The following SP6 variants were observed in gnomAD, a reference collection of about 807,000 sequenced individuals.
The protein encoded by SP6 is transcription factor Sp6.
In SP6, 10 loss-of-function variants were observed where a neutral mutation model predicts 23.4. The observed-to-expected ratio is 0.43, with a 90% CI of 0.26 to 0.72. The LOEUF (loss-of-function observed/expected upper bound fraction) is 0.72, where lower values mean the gene tolerates loss of function less well. Among genes scored for constraint, SP6 ranks in the 30% least tolerant of loss-of-function variants. The pLI, the probability that SP6 is intolerant of heterozygous loss-of-function variation, is 0.23. For missense variants in SP6, 482 were observed against 523.8 expected (o/e 0.92, Z 0.78); for synonymous variants, 238 against 238.7 (o/e 1.00, Z 0.03).
upstream of SP6, among the ~76,000 whole-genome samples, chr17:47,858,767 CTT>C (rs36092685): frequency 0.11 from 10,316 of 90,234 alleles, 562 homozygotes; most frequent in African/African-American, 0.15. Context: ...GATGAAGCAT[CTT>C]TTTTTTTTTT....
At chr17:47,853,528 AG>A (rs1461918300), upstream of SP6, among the ~76,000 whole-genome samples, 2 of 152,164 alleles carry the variant, frequency 1.3e-5, no homozygotes, top group African/African-American at 4.8e-5. Context: ...AAGCCTGTGC[AG>A]GGGTCTGACT....
upstream of SP6, among the ~76,000 whole-genome samples, chr17:47,855,498 T>C (rs1456131521): frequency 6.6e-6 from 1 of 152,210 alleles, no homozygotes; most frequent in Non-Finnish European, 1.5e-5. Flanking sequence ...GGGATCCCTT[T>C]AGTTCTCCAT....
chr17:47,866,403 A>G, the SP6 span, among the ~76,000 whole-genome samples: 5 of 152,280 alleles, frequency 3.3e-5, no homozygotes, highest in East Asian at 1.9e-4. Flanking sequence ...GGAGACAAGG[A>G]GGAAGATGGG....
chr17:47,852,393 C>G (rs534517845), upstream of SP6, among the ~76,000 whole-genome samples: 1 of 152,300 alleles, frequency 6.6e-6, no homozygotes, highest in African/African-American at 2.4e-5. Context: ...GCTTCACTCC[C>G]ATGCCGCAGT....
chr17:47,872,545 A>G, the SP6 span, among the ~76,000 whole-genome samples: 1 of 152,126 alleles, frequency 6.6e-6, no homozygotes. Context: ...ATTAGCAGGG[A>G]GGCTCTCGCC....
the SP6 span, among the ~76,000 whole-genome samples, chr17:47,866,921 G>A: frequency 6.6e-6 from 1 of 152,114 alleles, no homozygotes; most frequent in Non-Finnish European, 1.5e-5. Context: ...GGGGAGGTGA[G>A]CAGAGGGCAG....
At chr17:47,852,955 AG>A (rs35129162), upstream of SP6, among the ~76,000 whole-genome samples, 7 of 151,836 alleles carry the variant, frequency 4.6e-5, no homozygotes, top group African/African-American at 1.7e-4. Context: ...AGTCAGTTCC[AG>A]GTAAATATTG....
At chr17:47,858,665 C>T (rs1312786397), upstream of SP6, among the ~76,000 whole-genome samples, 2 of 148,926 alleles carry the variant, frequency 1.3e-5, no homozygotes, top group Non-Finnish European at 3.0e-5. Flanking sequence ...AACTTGCTGA[C>T]AAAAATTACT....
upstream of SP6, among the ~76,000 whole-genome samples, chr17:47,856,258 A>G (rs1454283637): frequency 2.6e-5 from 4 of 151,938 alleles, no homozygotes; most frequent in Non-Finnish European, 5.9e-5. Context: ...TTACATACTC[A>G]CTTCCCAACT....
At chr17:47,858,840 T>C (rs1209253823), upstream of SP6, among the ~76,000 whole-genome samples, 1 of 138,004 alleles carries the variant, frequency 7.2e-6, no homozygotes, top group African/African-American at 2.7e-5. Flanking sequence ...AGTGGCGCCA[T>C]CTTGGCTCAC....
upstream of SP6, among the ~76,000 whole-genome samples, chr17:47,852,116 C>T (rs188913661): frequency 3.5e-4 from 54 of 152,302 alleles, no homozygotes; most frequent in Admixed American, 3.1e-3. Context: ...ATTGAGCTAT[C>T]CCTTGCCACC....
chr17:47,847,356 C>T lies in SP6; in HGVS notation c.1074G>A (p.Glu358=). 4 of 1,603,944 alleles carry T rather than the reference C, an allele frequency of 2.5e-6. No individual in the cohort carries two copies. Among genetic ancestry groups the T allele is most frequent in the Non-Finnish European group, 3.4e-6 (4 of 1,175,434 alleles). ...CGCGTTTGCCTTTGCCCCCGGGGGG[C>T]TCCACTGCGCCGCCGGCCTTGCCCT... The part of the protein sequence containing the change: ...SGEGKAGGAV[E]PPGGKGKREA... Residue 358 remains glutamate, a synonymous_variant, in exon 2 of 2, where the codon GAG becomes GAA. Transcript: ENST00000536300.
the SP6 span, among the ~76,000 whole-genome samples, chr17:47,871,405 C>G: frequency 6.6e-6 from 1 of 152,334 alleles, no homozygotes; most frequent in Non-Finnish European, 1.5e-5. Flanking sequence ...TTCATTCAAC[C>G]TCACTGGCCC....
chr17:47,847,323 C>T lies in SP6; in HGVS notation c.1107G>A (p.Glu369=), dbSNP rs1181484290. ...CTCAGTTGGAGGGAGCCACGCTGCC[C>T]TCGGCCTCGCGTTTGCCTTTGCCCC... The part of the protein sequence containing the change: ...PPGGKGKREA[E]GSVAPSN The change falls in exon 2 of 2, where the codon GAG becomes GAA. Residue 369 remains glutamate (E), a synonymous_variant. Coordinates refer to ENST00000536300, the MANE Select transcript of SP6 (RefSeq NM_001258248.2). The T allele has an allele frequency of 6.4e-7, 1 of 1,571,998 alleles. No homozygotes were observed. Among genetic ancestry groups the T allele is most frequent in the South Asian group, 1.1e-5 (1 of 87,072 alleles).
Position 47,848,119 on chromosome 17 carries a change from T to G in SP6, c.311A>C (p.Tyr104Ser). ...GTGAGTCGGCCTGAACCACGATTCA[T>G]AATGGTGTGACATGTCCGGCTGCAG... The part of the protein sequence containing the change: ...KLLQPDMSHH[Y>S]ESWFRPTHPG... The change falls in exon 2 of 2, where the codon TAT becomes TCT. Residue 104 changes from tyrosine (Y) to serine (S), a missense_variant. Transcript: ENST00000536300. This position sits in a 1 kb window ranked among gnomAD's most constrained non-coding sequence, Gnocchi z 5.3. 6.2e-7 allele frequency: 1 copy of G among 1,613,584 alleles called. No homozygotes were observed. Among genetic ancestry groups the G allele is most frequent in the Non-Finnish European group, 8.5e-7 (1 of 1,179,968 alleles).
intron 1 of SP6, among the ~76,000 whole-genome samples, chr17:47,850,185 G>C (rs897524571): frequency 9.2e-5 from 14 of 152,316 alleles, no homozygotes; most frequent in African/African-American, 3.1e-4. Context: ...AGGATGGGAA[G>C]GCTAGGATAA....
chr17:47,847,035 C>T lies in SP6; in HGVS notation c.*264G>A. 1 of 495,946 alleles carries T rather than the reference C, an allele frequency of 2.0e-6. No individual in the cohort carries two copies. Among genetic ancestry groups the T allele is most frequent in the South Asian group, 3.1e-5 (1 of 31,876 alleles). 30.7% of individuals were successfully genotyped at this position (495,946 alleles called of 1,614,324 possible). On this transcript the variant is annotated 3_prime_UTR_variant, in exon 2 of 2. Coordinates refer to ENST00000536300, the MANE Select transcript of SP6 (RefSeq NM_001258248.2). ...GGGTGTCCCACCCCAACCCCCCAGC[C>T]CAGGGGCGAGGGAAACTGTGAGGCA... is the stretch of plus-strand genomic sequence containing the variant.
At chr17:47,853,698 G>A (rs8066161), upstream of SP6, among the ~76,000 whole-genome samples, 2,444 of 152,138 alleles carry the variant, frequency 0.016, 76 homozygotes, top group African/African-American at 0.055. Context: ...GCCCTGCCCC[G>A]ATCCAACCAG....
At chr17:47,849,571 C>G (rs2033934491) in intron 1 of SP6, among the ~76,000 whole-genome samples, 2 of 152,194 alleles carry the variant, frequency 1.3e-5, no homozygotes, top group South Asian at 4.1e-4. Flanking sequence ...AACCACTGCT[C>G]CAGGCCAATC....
Sources: gnomAD v4.1 joint callset for allele counts (sites outside exome capture counted in the v4.1 genomes callset) on GRCh38, gnomAD v4.1.1 for gene constraint, Gnocchi (gnomAD v3.1) non-coding constraint, MANE v1.5 for transcripts, NCBI Gene and HGNC (gene_info 2026-07-23, HGNC 2026-07-21) for gene names.